The following PIP5K1B variants were observed in gnomAD, a reference collection of about 807,000 sequenced individuals.
The protein encoded by PIP5K1B is phosphatidylinositol-4-phosphate 5-kinase type 1 beta.
In PIP5K1B, 42 loss-of-function variants were observed where a neutral mutation model predicts 67.0. That is an observed-to-expected ratio of 0.63 (90% CI 0.49 to 0.81). The LOEUF (loss-of-function observed/expected upper bound fraction) is 0.81, where lower values mean the gene tolerates loss of function less well. PIP5K1B is among the 30% of genes least tolerant of loss of function. The pLI is 0.00. For missense variants in PIP5K1B, 459 were observed against 646.3 expected (o/e 0.71, Z 3.14); for synonymous variants, 214 against 231.4 (o/e 0.92, Z 0.68).
chr9:68,991,107 C>T (rs2132954973), intron 14 of PIP5K1B, 33 bp from the exon 15 acceptor site: 2 of 1,212,122 alleles, frequency 1.7e-6, no homozygotes, highest in East Asian at 2.3e-5. Flanking sequence ...GTTCTGGGGG[C>T]CTCATGCCCA....
At chr9:68,861,921 C>T (rs1823101841) in intron 4 of PIP5K1B, among the ~76,000 whole-genome samples, 1 of 149,068 alleles carries the variant, frequency 6.7e-6, no homozygotes, top group Non-Finnish European at 1.5e-5. Flanking sequence ...TTTTAAGAAA[C>T]ACTGAATGCA....
At chr9:68,715,698 G>A (rs535720876) in intron 1 of PIP5K1B, among the ~76,000 whole-genome samples, 1 of 152,270 alleles carries the variant, frequency 6.6e-6, no homozygotes, top group African/African-American at 2.4e-5. Context: ...GAGTGAATAA[G>A]TAAATGAATA....
At chr9:69,003,177 G>T (rs1235377970) in intron 15 of PIP5K1B, among the ~76,000 whole-genome samples, 1 of 151,964 alleles carries the variant, frequency 6.6e-6, no homozygotes, top group Non-Finnish European at 1.5e-5. Context: ...TGATCTCATG[G>T]CAACGAGAGG....
chr9:68,899,796 A>G (rs1028394519), intron 8 of PIP5K1B, among the ~76,000 whole-genome samples: 28 of 152,208 alleles, frequency 1.8e-4, no homozygotes, highest in African/African-American at 6.5e-4. Context: ...TCAGGGGTAC[A>G]TGAGCAGATT....
chr9:68,975,327 C>T (rs1829587188), intron 14 of PIP5K1B, among the ~76,000 whole-genome samples: 1 of 152,204 alleles, frequency 6.6e-6, no homozygotes, highest in Admixed American at 6.5e-5. Context: ...CCTTAGCCTC[C>T]CAAAGTGCTG....
At chr9:68,920,786 A>T (rs554197263) in intron 11 of PIP5K1B, among the ~76,000 whole-genome samples, 2,091 of 140,332 alleles carry the variant, frequency 0.015, 38 homozygotes, top group African/African-American at 0.034. Flanking sequence ...TCTCTCTCTC[A>T]CACACATACA....
At chr9:68,850,119 T>A (rs564641033) in intron 4 of PIP5K1B, among the ~76,000 whole-genome samples, 1 of 152,316 alleles carries the variant, frequency 6.6e-6, no homozygotes, top group East Asian at 1.9e-4. Flanking sequence ...TATCTTGTTT[T>A]TCTACCATTC....
chr9:68,817,153 C>T lies in PIP5K1B; in HGVS notation c.-85-1308C>T, dbSNP rs187917919. Among the ~76,000 whole-genome samples the T allele has an allele frequency of 1.1e-4, 17 of 152,282 alleles. No homozygotes were observed. In the East Asian group the frequency reaches 2.3e-3, roughly 21 times the overall value. Reference sequence around the variant, plus strand: ...ATAAACCTGTGAAAAGAATCAGCCCCGTTAGTAGTGAGAGAAGGCGAATTA... The same window carrying T: ...ATAAACCTGTGAAAAGAATCAGCCCTGTTAGTAGTGAGAGAAGGCGAATTA... On this transcript the variant is annotated intron_variant, in intron 2 of 15. Transcript: ENST00000265382.
chr9:68,801,319 AT>A (rs968335559), intron 2 of PIP5K1B, among the ~76,000 whole-genome samples: 5 of 150,136 alleles, frequency 3.3e-5, no homozygotes, highest in African/African-American at 7.3e-5. Flanking sequence ...AAAAGGGCAC[AT>A]TTTTTTTTTC....
At chr9:68,918,413 T>C (rs139478433) in intron 9 of PIP5K1B, among the ~76,000 whole-genome samples, 2 of 152,216 alleles carry the variant, frequency 1.3e-5, no homozygotes, top group Non-Finnish European at 2.9e-5. Context: ...TTTAAGCAAA[T>C]ACACAATAAG....
intron 12 of PIP5K1B, among the ~76,000 whole-genome samples, chr9:68,931,869 A>T (rs1189245642): frequency 1.3e-5 from 2 of 152,204 alleles, no homozygotes; most frequent in Non-Finnish European, 2.9e-5. Context: ...CAGCCACCCA[A>T]ACCAGCTCTC....
chr9:68,818,944 C>T (rs1350128190), intron 3 of PIP5K1B, among the ~76,000 whole-genome samples: 1 of 152,148 alleles, frequency 6.6e-6, no homozygotes, highest in African/African-American at 2.4e-5. Context: ...GAATGTCTTT[C>T]CTCCTTCCTT....
In PIP5K1B at chr9:68,911,440, G is replaced by A. The variant is rs543193923; in HGVS notation, c.772-6108G>A. 4.1e-4 allele frequency among the ~76,000 whole-genome samples: 62 copies of A among 151,842 alleles called. 1 individual carries two copies. Among genetic ancestry groups the A allele is most frequent in the African/African-American group, 1.4e-3 (60 of 41,396 alleles). ...TTCATTATCATTAGAGAGAAGGAAC[G>A]TTTTGATAATAGAAGCTGCAGGATT... On this transcript the variant is annotated intron_variant, in intron 8 of 15. Coordinates refer to ENST00000265382, the MANE Select transcript of PIP5K1B (RefSeq NM_003558.4).
At chr9:68,875,140 A>T (rs1439435892) in intron 5 of PIP5K1B, among the ~76,000 whole-genome samples, 2 of 151,792 alleles carry the variant, frequency 1.3e-5, no homozygotes, top group Non-Finnish European at 2.9e-5. Flanking sequence ...TTACTATGTG[A>T]CTGCTCTTCT....
At chr9:68,998,115 G>A (rs973127082) in intron 15 of PIP5K1B, among the ~76,000 whole-genome samples, 1 of 147,478 alleles carries the variant, frequency 6.8e-6, no homozygotes, top group African/African-American at 2.5e-5. Flanking sequence ...CTGTTGCCCA[G>A]GCAGAAGTGC....
chr9:68,970,402 A>G (rs1036163844), intron 14 of PIP5K1B, among the ~76,000 whole-genome samples: 11 of 152,294 alleles, frequency 7.2e-5, no homozygotes, highest in African/African-American at 2.4e-4. Flanking sequence ...GATGATTACC[A>G]CTAGGGTTTG....
At chr9:68,868,518 C>T (rs926835152) in intron 5 of PIP5K1B, among the ~76,000 whole-genome samples, 14 of 152,190 alleles carry the variant, frequency 9.2e-5, no homozygotes, top group African/African-American at 2.9e-4. Context: ...GATTTTAACT[C>T]AGGGTTAGCT....
chr9:68,987,855 A>G (rs1010313392), intron 14 of PIP5K1B, among the ~76,000 whole-genome samples: 3 of 152,118 alleles, frequency 2.0e-5, no homozygotes, highest in Admixed American at 6.6e-5. Flanking sequence ...CACGGGGGAA[A>G]CCACCTCCAT....
At chr9:68,904,576 A>G (rs1825516387) in intron 8 of PIP5K1B, among the ~76,000 whole-genome samples, 1 of 152,228 alleles carries the variant, frequency 6.6e-6, no homozygotes, top group Non-Finnish European at 1.5e-5. Flanking sequence ...ACGAAATCCT[A>G]TTAAGTTAAA....
Sources: gnomAD v4.1 joint callset for allele counts (sites outside exome capture counted in the v4.1 genomes callset) on GRCh38, gnomAD v4.1.1 for gene constraint, MANE v1.5 for transcripts, NCBI Gene and HGNC (gene_info 2026-07-23, HGNC 2026-07-21) for gene names.